The following SNX29 variants were observed in gnomAD, a reference collection of about 807,000 sequenced individuals.
SNX29 encodes sorting nexin 29, also known as sorting nexin-29.
Under a neutral mutation model 102.1 loss-of-function variants are expected in SNX29, and 78 were observed. The observed-to-expected ratio is 0.76, with a 90% confidence interval of 0.64 to 0.92. The LOEUF is 0.92. Ranked by LOEUF, SNX29 falls within the 40% of genes least tolerant of loss-of-function variation. SNX29 has a pLI of 0.00. For missense variants in SNX29, 1,280 were observed against 1,061.7 expected (o/e 1.21, Z -2.86); for synonymous variants, 580 against 414.5 (o/e 1.40, Z -4.85).
intron 19 of SNX29, among the ~76,000 whole-genome samples, chr16:12,478,633 G>A (rs577910779): frequency 5.3e-5 from 8 of 152,136 alleles, no homozygotes; most frequent in Non-Finnish European, 8.8e-5. Context: ...GGTCTAGACC[G>A]GGCTTGGAGC....
intron 15 of SNX29, among the ~76,000 whole-genome samples, chr16:12,286,966 C>G (rs1299125226): frequency 6.6e-6 from 1 of 152,090 alleles, no homozygotes; most frequent in African/African-American, 2.4e-5. Flanking sequence ...CGTGCTAGTC[C>G]CATTGATTCT....
At chr16:12,543,600 C>T (rs929581103) in intron 20 of SNX29, among the ~76,000 whole-genome samples, 1 of 152,088 alleles carries the variant, frequency 6.6e-6, no homozygotes, top group Non-Finnish European at 1.5e-5. Flanking sequence ...GTTCATCCTC[C>T]CCGATGGAGT....
intron 20 of SNX29, among the ~76,000 whole-genome samples, chr16:12,551,097 GATGAAATCTGGT>G (rs1420845146): frequency 3.9e-5 from 6 of 152,060 alleles, no homozygotes; most frequent in Admixed American, 3.9e-4. Flanking sequence ...TCTTTGCTTG[GATGAAATCTGGT>G]GTGAAATAAT....
chr16:12,555,028 C>G (rs776911930), intron 20 of SNX29, among the ~76,000 whole-genome samples: 2 of 151,856 alleles, frequency 1.3e-5, no homozygotes, highest in African/African-American at 2.4e-5. Flanking sequence ...GTGTGCCTGC[C>G]TGGTGCCACC....
At chr16:12,384,189 T>C (rs535914091) in intron 16 of SNX29, among the ~76,000 whole-genome samples, 1 of 152,360 alleles carries the variant, frequency 6.6e-6, no homozygotes, top group South Asian at 2.1e-4. Flanking sequence ...CGTGGGAGTG[T>C]GGATCTCTCT....
chr16:11,999,199 A>G, intron 1 of SNX29, 98 bp from the exon 2 acceptor site: 1 of 1,042,242 alleles, frequency 9.6e-7, no homozygotes, highest in Non-Finnish European at 1.5e-6. Flanking sequence ...TAGTTGTGCT[A>G]CTGATTTTGT....
In SNX29 at chr16:12,437,110, C is replaced by A. The variant is rs911219214; in HGVS notation, c.2037+33581C>A. On this transcript the variant is annotated intron_variant, in intron 18 of 20. Transcript: ENST00000566228. ...GAATGAGAGACAGAGAAAGCAACAG[C>A]GTGTGCATAAAGAATCATGGGGGTT... is the stretch of plus-strand genomic sequence containing the variant. Among the ~76,000 whole-genome samples the A allele has an allele frequency of 1.8e-4, 27 of 152,236 alleles. 1 individual carries two copies. The highest frequency in any genetic ancestry group is 6.0e-4 in the African/African-American group (25 of 41,468).
chr16:12,102,229 G>A (rs943966707), intron 11 of SNX29, among the ~76,000 whole-genome samples: 1 of 152,166 alleles, frequency 6.6e-6, no homozygotes, highest in African/African-American at 2.4e-5. Context: ...GTAAACATCC[G>A]TGTGCATGTG....
At chr16:12,435,673 C>G (rs1405458294) in intron 18 of SNX29, among the ~76,000 whole-genome samples, 1 of 152,224 alleles carries the variant, frequency 6.6e-6, no homozygotes, top group Non-Finnish European at 1.5e-5. Context: ...CATCCAGTAG[C>G]CCAGTCTGGG....
intron 19 of SNX29, chr16:12,515,683 T>G (rs2151934204): frequency 1.1e-5 from 5 of 469,958 alleles, no homozygotes; most frequent in Non-Finnish European, 1.7e-5. Context: ...TTATGATGTA[T>G]TCACGTATCT....
At chr16:12,468,195 T>TTTTA (rs375872903) in intron 18 of SNX29, among the ~76,000 whole-genome samples, 1 of 103,242 alleles carries the variant, frequency 9.7e-6, no homozygotes, top group Admixed American at 1.1e-4. Flanking sequence ...TTTTTTTTTT[T>TTTTA]AGGGGGAGTT....
chr16:12,517,336 C>T (rs548034790), intron 19 of SNX29, among the ~76,000 whole-genome samples: 318 of 152,310 alleles, frequency 2.1e-3, no homozygotes, highest in African/African-American at 6.9e-3. Context: ...AGGGCCCTTC[C>T]TGGATGCCCT....
chr16:12,349,589 G>C (rs2081937754), intron 15 of SNX29, among the ~76,000 whole-genome samples: 1 of 152,190 alleles, frequency 6.6e-6, no homozygotes, highest in African/African-American at 2.4e-5. Context: ...TGCTCATCCT[G>C]TAAGTATAAT....
At chr16:12,288,259 G>A (rs751663939) in intron 15 of SNX29, among the ~76,000 whole-genome samples, 3 of 152,198 alleles carry the variant, frequency 2.0e-5, no homozygotes, top group Non-Finnish European at 2.9e-5. Flanking sequence ...TGGGTGCCAT[G>A]TCAGTTTACC....
intron 14 of SNX29, among the ~76,000 whole-genome samples, chr16:12,205,547 C>G (rs531921845): frequency 6.6e-6 from 1 of 152,098 alleles, no homozygotes; most frequent in East Asian, 1.9e-4. Flanking sequence ...TCAAACATGC[C>G]AGGCTGGCTC....
intron 19 of SNX29, among the ~76,000 whole-genome samples, chr16:12,512,818 C>T (rs1302626549): frequency 6.6e-6 from 1 of 152,142 alleles, no homozygotes; most frequent in African/African-American, 2.4e-5. Flanking sequence ...AATCCGATCC[C>T]ATGGACTCAA....
intron 13 of SNX29, among the ~76,000 whole-genome samples, chr16:12,153,802 C>CT (rs1428768824): frequency 2.0e-5 from 3 of 152,094 alleles, no homozygotes; most frequent in Non-Finnish European, 4.4e-5. Flanking sequence ...TTATGGTGAG[C>CT]TTTTTGAATG....
At chr16:12,561,048 G>C (rs1044136084) in intron 20 of SNX29, 3 of 223,022 alleles carry the variant, frequency 1.3e-5, no homozygotes, top group African/African-American at 6.7e-5. Context: ...TTCAAACCAA[G>C]AGGTAGGAGG....
chr16:12,556,806 A>C (rs770697463), intron 20 of SNX29, among the ~76,000 whole-genome samples: 1 of 152,118 alleles, frequency 6.6e-6, no homozygotes, highest in Admixed American at 6.5e-5. Flanking sequence ...CCCCTTTACT[A>C]AAGTACAGAA....
Sources: gnomAD v4.1 joint callset for allele counts (sites outside exome capture counted in the v4.1 genomes callset) on GRCh38, gnomAD v4.1.1 for gene constraint, MANE v1.5 for transcripts, NCBI Gene and HGNC (gene_info 2026-07-23, HGNC 2026-07-21) for gene names.